PRTFDC1: variants seen among roughly 807,000 people sequenced by gnomAD.
PRTFDC1 encodes the protein phosphoribosyltransferase domain-containing protein 1.
PRTFDC1 carries 38 observed loss-of-function variants against 34.6 expected under a neutral mutation model. The observed-to-expected ratio is 1.10, with a 90% confidence interval of 0.85 to 1.44. The LOEUF is 1.44. Ranked by LOEUF, PRTFDC1 falls within the 40% of genes most tolerant of loss-of-function variation. The pLI is 0.00. For synonymous variants in PRTFDC1, 93 were observed against 98.1 expected, an observed-to-expected ratio of 0.95 and a Z score of 0.31; for missense variants, 270 against 283.0, an observed-to-expected ratio of 0.95 and a Z score of 0.33.
chr10:24,945,816 C>G (rs143046327), intron 1 of PRTFDC1, among the ~76,000 whole-genome samples: 1 of 152,282 alleles, frequency 6.6e-6, no homozygotes, highest in South Asian at 2.1e-4. Context: ...TCAAACTGGC[C>G]GGTGGGACTG....
intron 6 of PRTFDC1, among the ~76,000 whole-genome samples, chr10:24,855,789 T>C (rs956468308): frequency 2.3e-4 from 35 of 151,540 alleles, no homozygotes; most frequent in African/African-American, 7.7e-4. Flanking sequence ...AAAGAGACCC[T>C]GTCTCAAAAA....
chr10:24,892,146 T>C (rs1298508186), intron 3 of PRTFDC1, among the ~76,000 whole-genome samples: 2 of 152,154 alleles, frequency 1.3e-5, no homozygotes. Context: ...TGCTGGATCA[T>C]ATGGTAGTTC....
At chr10:24,945,384 C>A (rs963186002) in intron 1 of PRTFDC1, among the ~76,000 whole-genome samples, 9 of 152,166 alleles carry the variant, frequency 5.9e-5, no homozygotes, top group Non-Finnish European at 1.3e-4. Context: ...TAAAGAGCAC[C>A]ACTGTTCAAG....
chr10:24,922,575 T>C (rs999488646), intron 3 of PRTFDC1, among the ~76,000 whole-genome samples: 1 of 152,132 alleles, frequency 6.6e-6, no homozygotes, highest in African/African-American at 2.4e-5. Flanking sequence ...CCTGCCACCA[T>C]GTAAGATATG....
chr10:24,899,393 GA>G (rs1261928919), intron 3 of PRTFDC1, among the ~76,000 whole-genome samples: 2 of 152,100 alleles, frequency 1.3e-5, no homozygotes, highest in African/African-American at 4.8e-5. Context: ...GTGTGGTTGG[GA>G]AATGCTCTGA....
At chr10:24,917,376 T>G (rs1848710537) in intron 3 of PRTFDC1, among the ~76,000 whole-genome samples, 1 of 152,256 alleles carries the variant, frequency 6.6e-6, no homozygotes, top group African/African-American at 2.4e-5. Flanking sequence ...TCTGTTGCAG[T>G]ACACATTTTT....
Position 24,899,670 on chromosome 10 carries a change from C to G in PRTFDC1, c.340-27607G>C, listed in dbSNP as rs558312474. 7.2e-5 allele frequency among the ~76,000 whole-genome samples: 11 copies of G among 152,298 alleles called. No individual in the cohort carries two copies. In the South Asian group the frequency reaches 2.3e-3, roughly 32 times the overall value. On this transcript the variant is annotated intron_variant, in intron 3 of 8. Transcript: ENST00000320152. ...TCATCAGAGATGCCACATCTGACAT[C>G]TGAACCATATACTTTAGAGACAAAG...
chr10:24,935,751 C>T (rs1434139845), intron 3 of PRTFDC1, among the ~76,000 whole-genome samples: 2 of 152,176 alleles, frequency 1.3e-5, no homozygotes, highest in African/African-American at 2.4e-5. Context: ...AAGATTATTC[C>T]GTCAGACTTG....
intron 3 of PRTFDC1, among the ~76,000 whole-genome samples, chr10:24,923,009 C>T (rs757759402): frequency 6.6e-6 from 1 of 152,236 alleles, no homozygotes; most frequent in Admixed American, 6.5e-5. Flanking sequence ...CTGTGCCTGG[C>T]TCAGCAGTCC....
chr10:24,880,725 G>A (rs1026831551), intron 3 of PRTFDC1, among the ~76,000 whole-genome samples: 3 of 152,160 alleles, frequency 2.0e-5, no homozygotes, highest in Non-Finnish European at 4.4e-5. Flanking sequence ...GTTTCTCAGT[G>A]AACCCCCAGT....
chr10:24,933,893 A>G (rs1849007083), intron 3 of PRTFDC1, among the ~76,000 whole-genome samples: 1 of 152,026 alleles, frequency 6.6e-6, no homozygotes, highest in Non-Finnish European at 1.5e-5. Flanking sequence ...AGGTTTCACC[A>G]TGTTGACCAA....
intron 3 of PRTFDC1, among the ~76,000 whole-genome samples, chr10:24,915,756 T>C (rs192477541): frequency 1.3e-5 from 2 of 152,320 alleles, no homozygotes; most frequent in Admixed American, 1.3e-4. Flanking sequence ...TTGCTCCTCC[T>C]CAGACTGCTT....
intron 1 of PRTFDC1, among the ~76,000 whole-genome samples, chr10:24,944,375 A>G (rs1294342899): frequency 6.6e-6 from 1 of 152,058 alleles, no homozygotes; most frequent in Non-Finnish European, 1.5e-5. Context: ...CCCCACCCCC[A>G]GGCCAGTCCA....
intron 3 of PRTFDC1, among the ~76,000 whole-genome samples, chr10:24,929,902 GCTTT>G (rs1848945431): frequency 6.6e-6 from 1 of 152,092 alleles, no homozygotes; most frequent in Non-Finnish European, 1.5e-5. Flanking sequence ...CCCTGATAGA[GCTTT>G]CTCAAAACAC....
At position 24,890,173 on chromosome 10, in the gene PRTFDC1, C is replaced by T. The variant is rs112247841; in HGVS notation, c.340-18110G>A. Among the ~76,000 whole-genome samples, 603 of 152,298 alleles carry T rather than the reference C, an allele frequency of 4.0e-3. 5 individuals are homozygous for T. The highest frequency in any genetic ancestry group is 0.014 in the African/African-American group (580 of 41,556). On this transcript the variant is annotated intron_variant, in intron 3 of 8. Coordinates refer to ENST00000320152, the MANE Select transcript of PRTFDC1 (RefSeq NM_020200.7). Reference sequence around the variant, plus strand: ...TGGAAGAGGAGTGGGAGAAGGAAGCCGACCACAGCTGTGTCTGACTTAGGT... The same window carrying T: ...TGGAAGAGGAGTGGGAGAAGGAAGCTGACCACAGCTGTGTCTGACTTAGGT...
At chr10:24,883,151 T>C (rs904173739) in intron 3 of PRTFDC1, among the ~76,000 whole-genome samples, 2 of 149,230 alleles carry the variant, frequency 1.3e-5, no homozygotes, top group Non-Finnish European at 3.0e-5. Flanking sequence ...ATATTATATA[T>C]ATATGTTCAT....
intron 3 of PRTFDC1, among the ~76,000 whole-genome samples, chr10:24,931,722 A>T (rs1848974964): frequency 6.6e-6 from 1 of 152,002 alleles, no homozygotes; most frequent in African/African-American, 2.4e-5. Flanking sequence ...AATTCCAATT[A>T]AAAAAATCTT....
intron 3 of PRTFDC1, among the ~76,000 whole-genome samples, chr10:24,885,451 G>A (rs1848149661): frequency 6.6e-6 from 1 of 152,220 alleles, no homozygotes; most frequent in African/African-American, 2.4e-5. Context: ...TGTTGCCCAG[G>A]ATGGAGTGCA....
rs909951361 is a variant in PRTFDC1, at chr10:24,849,112, C to T, written c.*732G>A. On this transcript the variant is annotated 3_prime_UTR_variant, in exon 9 of 9. Coordinates refer to ENST00000320152, the MANE Select transcript of PRTFDC1 (RefSeq NM_020200.7). ...ATACAGCTTAGAAACCAGGGCCTTG[C>T]TGCTATTGTATTTTTTTCTAATTAA... is the stretch of plus-strand genomic sequence containing the variant. 6.6e-6 allele frequency: 1 copy of T among 152,334 alleles called. No homozygotes were observed. The highest frequency in any genetic ancestry group is 2.4e-5 in the African/African-American group (1 of 41,462). The allele number at this position is 152,334 out of a possible 1,614,324, so 9.4% of individuals were successfully genotyped here.
Sources: allele counts gnomAD v4.1 joint callset (sites outside exome capture counted in the v4.1 genomes callset), GRCh38; gene constraint gnomAD v4.1.1; transcripts MANE v1.5; gene names NCBI Gene and HGNC (gene_info 2026-07-23, HGNC 2026-07-21).